The following CLEC2D variants were observed in gnomAD, a reference collection of about 807,000 sequenced individuals.
CLEC2D encodes C-type lectin domain family 2 member D, also known as C-type lectin related f.
In CLEC2D, 16 loss-of-function variants were observed where a neutral mutation model predicts 20.0. That is an observed-to-expected ratio of 0.80 (90% confidence interval 0.54 to 1.22). The LOEUF (loss-of-function observed/expected upper bound fraction) is 1.22. Among genes scored for constraint, CLEC2D ranks in the 50% most tolerant of loss-of-function variants. The probability of loss-of-function intolerance (pLI) is 0.00; values close to 1 mark genes in which losing one functional copy is unlikely to be tolerated. For synonymous variants in CLEC2D, 77 were observed against 71.1 expected (o/e 1.08, Z -0.42); for missense variants, 207 against 221.5 (o/e 0.93, Z 0.42).
intron 2 of CLEC2D, among the ~76,000 whole-genome samples, chr12:9,681,375 T>C (rs1865632156): frequency 6.6e-6 from 1 of 152,164 alleles, no homozygotes; most frequent in South Asian, 2.1e-4. Flanking sequence ...ACAACCTTGT[T>C]TCATGAAAAA....
At chr12:9,689,288 A>G (rs965542923) in intron 3 of CLEC2D, among the ~76,000 whole-genome samples, 1 of 152,232 alleles carries the variant, frequency 6.6e-6, no homozygotes, top group Non-Finnish European at 1.5e-5. Context: ...ATGACCATGC[A>G]CAACAGAGAA....
chr12:9,673,735 A>AC (rs1030729270), intron 1 of CLEC2D, among the ~76,000 whole-genome samples: 22 of 152,202 alleles, frequency 1.4e-4, no homozygotes, highest in African/African-American at 5.1e-4. Context: ...TAAGCCCCTG[A>AC]CCAGAGCTGC....
chr12:9,682,779 T>G (rs1182415183), intron 2 of CLEC2D, among the ~76,000 whole-genome samples: 1 of 152,188 alleles, frequency 6.6e-6, no homozygotes, highest in South Asian at 2.1e-4. Flanking sequence ...TGATGAGCAT[T>G]TGGGTTGGTT....
At position 9,698,324 on chromosome 12, in the gene CLEC2D, C is replaced by T. The variant is rs1866049426; in HGVS notation, c.*3450C>T. On this transcript the variant is annotated 3_prime_UTR_variant, in exon 5 of 5. Transcript: ENST00000290855. ...TATGCTGTGCAATAGATCTCAAAAG[C>T]TTATTCCTCTTAACTGAAACCTACT... The T allele has an allele frequency of 6.6e-6, 1 of 152,172 alleles. No homozygotes were observed. Among genetic ancestry groups the T allele is most frequent in the Non-Finnish European group, 1.5e-5 (1 of 68,028 alleles). 9.4% of individuals were successfully genotyped at this position (152,172 alleles called of 1,614,324 possible).
rs1866042460 is a variant in CLEC2D at position 9,698,116 on chromosome 12, T to C, written c.*3242T>C. On this transcript the variant is annotated 3_prime_UTR_variant, in exon 5 of 5. Coordinates refer to ENST00000290855, the MANE Select transcript of CLEC2D (RefSeq NM_013269.6). Reference sequence around the variant, plus strand: ...TATTTTTATTTTTTAAATTTTTAGCTGACAACTGTATAATTATGGAATACA... The same window carrying C: ...TATTTTTATTTTTTAAATTTTTAGCCGACAACTGTATAATTATGGAATACA... 6.6e-6 allele frequency: 1 copy of C among 152,214 alleles called. No homozygotes were observed. The highest frequency in any genetic ancestry group is 2.1e-4 in the South Asian group (1 of 4,836). 9.4% of individuals were successfully genotyped at this position (152,214 alleles called of 1,614,324 possible).
chr12:9,696,497 G>A lies in CLEC2D; in HGVS notation c.*1623G>A, dbSNP rs957903432. The A allele has an allele frequency of 9.9e-5, 27 of 273,138 alleles. No individual in the cohort carries two copies. The highest frequency in any genetic ancestry group is 1.6e-4 in the Non-Finnish European group (23 of 142,376). 16.9% of individuals were successfully genotyped at this position (273,138 alleles called of 1,614,324 possible). On this transcript the variant is annotated 3_prime_UTR_variant, in exon 5 of 5. Transcript: ENST00000290855. ...GTAGCAGTGGTCAGACATGGAAATG[G>A]TGGGGAGACAAAAGTATACACGTGA...
intron 3 of CLEC2D, among the ~76,000 whole-genome samples, chr12:9,692,332 C>T (rs781707361): frequency 1.2e-4 from 18 of 152,058 alleles, no homozygotes; most frequent in East Asian, 1.9e-4. Context: ...AGAGAGGGGG[C>T]TTCATCATGT....
Position 9,688,098 on chromosome 12 carries a change from G to C in CLEC2D, c.357+12G>C, listed in dbSNP as rs769400067. On this transcript the variant is annotated intron_variant, in intron 3 of 4. Coordinates refer to ENST00000290855, the MANE Select transcript of CLEC2D (RefSeq NM_013269.6). Reference sequence around the variant, plus strand: ...GCTTCCAGGAACTGGTAAGAAAATAGTTCTGGCCAGAATCAAAGATTCAGC... The same window carrying C: ...GCTTCCAGGAACTGGTAAGAAAATACTTCTGGCCAGAATCAAAGATTCAGC... The C allele has an allele frequency of 3.9e-6, 6 of 1,533,646 alleles. No individual in the cohort carries two copies. In the South Asian group the frequency reaches 4.9e-5, roughly 13 times the overall value.
rs1866056821 is a variant in CLEC2D at position 9,698,633 on chromosome 12, A to C, written c.*3759A>C. The C allele has an allele frequency of 6.6e-6, 1 of 152,256 alleles. No homozygotes were observed. The highest frequency in any genetic ancestry group is 1.5e-5 in the Non-Finnish European group (1 of 68,052). 9.4% of individuals were successfully genotyped at this position (152,256 alleles called of 1,614,324 possible). ...GGATTTGACCTCAAAAGTAGATGCA[A>C]CCACAGTGAAAATAAACAAATGAAA... On this transcript the variant is annotated 3_prime_UTR_variant, in exon 5 of 5. Coordinates refer to ENST00000290855, the MANE Select transcript of CLEC2D (RefSeq NM_013269.6).
Position 9,699,496 on chromosome 12 carries a change from A to T in CLEC2D, c.*4622A>T, listed in dbSNP as rs1242996967. On this transcript the variant is annotated 3_prime_UTR_variant, in exon 5 of 5. Transcript: ENST00000290855. ...GAAAAGGTTGCACAATATTATTTTC[A>T]TGAAATTACTTCTAGTATAATTCTG... 6.6e-6 allele frequency: 1 copy of T among 152,166 alleles called. No individual in the cohort carries two copies. The highest frequency in any genetic ancestry group is 1.5e-5 in the Non-Finnish European group (1 of 68,024). The allele number at this position is 152,166 out of a possible 1,614,324, so 9.4% of individuals were successfully genotyped here.
At chr12:9,689,286 G>A (rs1397544446) in intron 3 of CLEC2D, among the ~76,000 whole-genome samples, 1 of 152,144 alleles carries the variant, frequency 6.6e-6, no homozygotes, top group Admixed American at 6.5e-5. Context: ...CAATGACCAT[G>A]CACAACAGAG....
At chr12:9,687,846 C>A in intron 2 of CLEC2D, 56 bp from the exon 3 acceptor site, 2 of 1,064,140 alleles carry the variant, frequency 1.9e-6, no homozygotes, top group Non-Finnish European at 2.6e-6. Context: ...GTAATTTATA[C>A]AATACAATAT....
At chr12:9,682,562 C>T (rs1268657286) in intron 2 of CLEC2D, among the ~76,000 whole-genome samples, 2 of 152,122 alleles carry the variant, frequency 1.3e-5, no homozygotes, top group Non-Finnish European at 2.9e-5. Flanking sequence ...TGTTCCGCTC[C>T]CTGCATCCAT....
At chr12:9,680,196 C>G (rs948672226) in intron 1 of CLEC2D, 3 of 320,198 alleles carry the variant, frequency 9.4e-6, no homozygotes, top group Non-Finnish European at 2.0e-5. Context: ...TTAGGCACTT[C>G]TGTCTCCTGC....
chr12:9,695,341 C>A lies in CLEC2D; in HGVS notation c.*467C>A. 9.8e-7 allele frequency: 1 copy of A among 1,015,450 alleles called. No homozygotes were observed. The highest frequency in any genetic ancestry group is 1.5e-6 in the Non-Finnish European group (1 of 651,040). The allele number at this position is 1,015,450 out of a possible 1,614,324, so 62.9% of individuals were successfully genotyped here. ...GTTCTCTGGAGCAGCATTCATTTAT[C>A]TTCGTCTGCCTTGTCTCCTACCTAA... On this transcript the variant is annotated 3_prime_UTR_variant, in exon 5 of 5. Coordinates refer to ENST00000290855, the MANE Select transcript of CLEC2D (RefSeq NM_013269.6).
At chr12:9,679,017 A>G (rs1363074970) in intron 1 of CLEC2D, among the ~76,000 whole-genome samples, 1 of 152,164 alleles carries the variant, frequency 6.6e-6, no homozygotes, top group East Asian at 1.9e-4. Context: ...ATACTATACC[A>G]TTTCACAGGT....
At chr12:9,692,072 C>T (rs754520711) in intron 3 of CLEC2D, among the ~76,000 whole-genome samples, 4 of 152,276 alleles carry the variant, frequency 2.6e-5, no homozygotes, top group East Asian at 1.9e-4. Flanking sequence ...GGTACACTTA[C>T]ATTAGTTTGG....
At chr12:9,692,160 G>A (rs1284323072) in intron 3 of CLEC2D, among the ~76,000 whole-genome samples, 1 of 151,968 alleles carries the variant, frequency 6.6e-6, no homozygotes, top group Non-Finnish European at 1.5e-5. Context: ...TTTTGAGACA[G>A]AATCTCACTC....
chr12:9,683,322 GT>G (rs1226655704), intron 2 of CLEC2D, among the ~76,000 whole-genome samples: 37,773 of 80,654 alleles, frequency 0.47, 5,476 homozygotes, highest in Middle Eastern at 0.59. Context: ...ATGATAGTTT[GT>G]TTTTTGTGTT....
Sources: allele counts gnomAD v4.1 joint callset (sites outside exome capture counted in the v4.1 genomes callset), GRCh38; gene constraint gnomAD v4.1.1; transcripts MANE v1.5; gene names NCBI Gene and HGNC (gene_info 2026-07-23, HGNC 2026-07-21).